Variants in TANC1 observed in about 807,000 individuals in gnomAD.
TANC1 encodes the protein tetratricopeptide repeat, ankyrin repeat and coiled-coil containing 1.
TANC1 carries 77 observed loss-of-function variants against 149.7 expected under a neutral mutation model. The observed-to-expected ratio is 0.51, with a 90% confidence interval of 0.43 to 0.62. The LOEUF (loss-of-function observed/expected upper bound fraction) is 0.62. Ranked by LOEUF, TANC1 falls within the 20% of genes least tolerant of loss-of-function variation. The probability of loss-of-function intolerance (pLI) is 0.00; values close to 1 mark genes in which losing one functional copy is unlikely to be tolerated. For synonymous variants in TANC1, 854 were observed against 925.0 expected, an observed-to-expected ratio of 0.92 and a Z score of 1.39; for missense variants, 1,985 against 2,321.8, an observed-to-expected ratio of 0.85 and a Z score of 2.98.
chr2:159,112,508 G>T (rs141458436), intron 4 of TANC1, among the ~76,000 whole-genome samples: 1 of 151,472 alleles, frequency 6.6e-6, no homozygotes, highest in Non-Finnish European at 1.5e-5. Flanking sequence ...TGCACGCCTC[G>T]GCCTCACAAA....
chr2:159,203,340 G>T (rs1202586885), intron 19 of TANC1, among the ~76,000 whole-genome samples: 1 of 151,620 alleles, frequency 6.6e-6, no homozygotes, highest in Non-Finnish European at 1.5e-5. Flanking sequence ...CCGAGTAGCT[G>T]GGATTACAGG....
chr2:158,975,475 C>T (rs1395737032), intron 1 of TANC1, among the ~76,000 whole-genome samples: 1 of 152,116 alleles, frequency 6.6e-6, no homozygotes, highest in Non-Finnish European at 1.5e-5. Flanking sequence ...ATGTATGTGA[C>T]GCCTGTTAGG....
At chr2:159,051,508 T>C (rs1198493238) in intron 2 of TANC1, among the ~76,000 whole-genome samples, 2 of 152,236 alleles carry the variant, frequency 1.3e-5, no homozygotes, top group East Asian at 3.8e-4. Context: ...AAACATCTGA[T>C]GTTCATACAT....
chr2:159,020,685 A>G (rs1358020834), intron 2 of TANC1, among the ~76,000 whole-genome samples: 3 of 152,220 alleles, frequency 2.0e-5, no homozygotes, highest in Non-Finnish European at 4.4e-5. Flanking sequence ...CATATCTAAT[A>G]CAATGTACTG....
chr2:159,136,077 A>T, intron 4 of TANC1, 117 bp from the exon 5 acceptor site: 1 of 572,504 alleles, frequency 1.7e-6, no homozygotes, highest in Non-Finnish European at 3.2e-6. Flanking sequence ...AGGGAGGGGA[A>T]GGCACTGGCT....
At chr2:159,162,587 G>C (rs372746192) in intron 7 of TANC1, among the ~76,000 whole-genome samples, 1 of 152,144 alleles carries the variant, frequency 6.6e-6, no homozygotes, top group African/African-American at 2.4e-5. Context: ...AAGGTTTTTT[G>C]TACCTTTTTT....
chr2:159,084,134 C>A (rs2044581181), intron 3 of TANC1, among the ~76,000 whole-genome samples: 1 of 151,918 alleles, frequency 6.6e-6, no homozygotes, highest in Non-Finnish European at 1.5e-5. Context: ...CCTGTAATCC[C>A]AGCTACTCAG....
intron 14 of TANC1, among the ~76,000 whole-genome samples, chr2:159,183,657 G>A (rs1044037547): frequency 3.9e-5 from 6 of 152,118 alleles, no homozygotes; most frequent in Admixed American, 3.3e-4. Context: ...GGGATGGGAG[G>A]TGGAAGGGCT....
At chr2:158,988,484 G>C (rs1034243774) in intron 1 of TANC1, among the ~76,000 whole-genome samples, 1 of 151,978 alleles carries the variant, frequency 6.6e-6, no homozygotes, top group Non-Finnish European at 1.5e-5. Context: ...TCATTTTTCC[G>C]ATGTGTGGGA....
At chr2:159,200,362 C>T (rs1453635795) in intron 19 of TANC1, among the ~76,000 whole-genome samples, 2 of 152,206 alleles carry the variant, frequency 1.3e-5, no homozygotes, top group Non-Finnish European at 2.9e-5. Flanking sequence ...TTTCAGGTTA[C>T]TCCTAGCTCC....
At chr2:159,168,375 C>G (rs1019591906) in intron 8 of TANC1, among the ~76,000 whole-genome samples, 4 of 149,392 alleles carry the variant, frequency 2.7e-5, no homozygotes, top group Non-Finnish European at 5.9e-5. Context: ...TCCTGGCTCA[C>G]TGCAACCTCT....
intron 11 of TANC1, among the ~76,000 whole-genome samples, chr2:159,173,887 C>T (rs1038666064): frequency 1.3e-5 from 2 of 152,200 alleles, no homozygotes; most frequent in Non-Finnish European, 2.9e-5. Context: ...TGCCACTTGC[C>T]TTTTAAAGAG....
chr2:159,215,959 C>T (rs1240277263), intron 19 of TANC1, among the ~76,000 whole-genome samples: 12 of 152,166 alleles, frequency 7.9e-5, no homozygotes, highest in Non-Finnish European at 1.8e-4. Flanking sequence ...GTGCGGTGAG[C>T]ATTTTTGCTT....
intron 2 of TANC1, among the ~76,000 whole-genome samples, chr2:159,042,383 A>G (rs1011470998): frequency 3.9e-5 from 6 of 152,096 alleles, no homozygotes; most frequent in African/African-American, 1.4e-4. Flanking sequence ...TTGAAAACGA[A>G]TGTTCTCCAG....
chr2:159,217,445 T>G, intron 19 of TANC1, 52 bp from the exon 20 acceptor site: 34 of 1,608,482 alleles, frequency 2.1e-5, no homozygotes, highest in Non-Finnish European at 2.9e-5. Context: ...TTTCTGGCTA[T>G]CTGTGCTCCA....
intron 3 of TANC1, among the ~76,000 whole-genome samples, chr2:159,090,615 G>A (rs1355893203): frequency 7.9e-5 from 12 of 152,200 alleles, no homozygotes; most frequent in Admixed American, 7.9e-4. Flanking sequence ...AGGACTGGTA[G>A]ACCTGGACAA....
At chr2:159,229,292 A>C (rs1157878481) in intron 26 of TANC1, among the ~76,000 whole-genome samples, 2 of 152,134 alleles carry the variant, frequency 1.3e-5, no homozygotes, top group Admixed American at 1.3e-4. Context: ...TGGTAACAAT[A>C]TTAAAAAGAT....
At chr2:159,025,395 A>C (rs2039253593) in intron 2 of TANC1, among the ~76,000 whole-genome samples, 1 of 152,062 alleles carries the variant, frequency 6.6e-6, no homozygotes, top group Non-Finnish European at 1.5e-5. Context: ...AGATCTCTAG[A>C]CTTACTCATT....
chr2:159,073,771 T>C (rs2043379336), intron 3 of TANC1, among the ~76,000 whole-genome samples: 1 of 152,190 alleles, frequency 6.6e-6, no homozygotes, highest in South Asian at 2.1e-4. Flanking sequence ...CTATTTGCAC[T>C]TCCTAGAAGG....
Sources: gnomAD v4.1 joint callset for allele counts (sites outside exome capture counted in the v4.1 genomes callset) on GRCh38, gnomAD v4.1.1 for gene constraint, MANE v1.5 for transcripts, NCBI Gene and HGNC (gene_info 2026-07-23, HGNC 2026-07-21) for gene names.